Variants in PTPRZ1 observed in about 807,000 individuals in gnomAD.
PTPRZ1 encodes protein tyrosine phosphatase receptor type Z1, also known as receptor-type tyrosine-protein phosphatase zeta.
PTPRZ1 carries 82 observed loss-of-function variants against 214.1 expected under a neutral mutation model. The ratio of observed to expected loss-of-function variants is 0.38; its 90% confidence interval spans 0.32 to 0.46. PTPRZ1 has a LOEUF of 0.46. PTPRZ1 is among the 20% of genes least tolerant of loss of function. The probability of loss-of-function intolerance (pLI) is 1.00; values close to 1 mark genes in which losing one functional copy is unlikely to be tolerated. For synonymous variants in PTPRZ1, 945 were observed against 987.9 expected (o/e 0.96, Z 0.81); for missense variants, 2,603 against 2,748.7 (o/e 0.95, Z 1.19).
intron 2 of PTPRZ1, among the ~76,000 whole-genome samples, chr7:121,957,021 G>A (rs577410869): frequency 6.6e-6 from 1 of 152,160 alleles, no homozygotes; most frequent in Admixed American, 6.5e-5. Context: ...ATTTCAAACT[G>A]TACGGTCACC....
intron 2 of PTPRZ1, among the ~76,000 whole-genome samples, chr7:121,956,833 A>G (rs1175456046): frequency 6.6e-6 from 1 of 152,250 alleles, no homozygotes; most frequent in Non-Finnish European, 1.5e-5. Flanking sequence ...ACCAAGAGGA[A>G]GTCTCTCAAA....
intron 2 of PTPRZ1, among the ~76,000 whole-genome samples, chr7:121,949,706 T>C (rs1563032765): frequency 6.6e-6 from 1 of 152,184 alleles, no homozygotes; most frequent in Non-Finnish European, 1.5e-5. Flanking sequence ...TCAATGCCAG[T>C]ATTGATATAT....
chr7:121,908,978 G>T (rs1795195315), intron 1 of PTPRZ1: 1 of 515,488 alleles, frequency 1.9e-6, no homozygotes. Context: ...CTTTAGTATT[G>T]TCACATTTTG....
chr7:122,004,888 A>T (rs967525161), intron 11 of PTPRZ1, among the ~76,000 whole-genome samples: 1 of 152,026 alleles, frequency 6.6e-6, no homozygotes, highest in Non-Finnish European at 1.5e-5. Flanking sequence ...AAAAACAAGA[A>T]ATATAAATGG....
intron 1 of PTPRZ1, among the ~76,000 whole-genome samples, chr7:121,874,967 G>T (rs1794007351): frequency 6.6e-6 from 1 of 151,576 alleles, no homozygotes; most frequent in Admixed American, 6.6e-5. Flanking sequence ...TATCACAGTA[G>T]CAAGGAAATA....
At chr7:121,977,825 G>A (rs1203297971) in intron 6 of PTPRZ1, among the ~76,000 whole-genome samples, 1 of 151,626 alleles carries the variant, frequency 6.6e-6, no homozygotes, top group Non-Finnish European at 1.5e-5. Context: ...TTCCCCACTT[G>A]AGTCACAAAG....
intron 2 of PTPRZ1, among the ~76,000 whole-genome samples, chr7:121,965,170 T>A (rs535473342): frequency 1.3e-5 from 2 of 152,316 alleles, no homozygotes; most frequent in South Asian, 4.1e-4. Flanking sequence ...ATCACACAGT[T>A]TCTGTGGGTC....
At chr7:121,912,998 C>T (rs1419495352) in intron 1 of PTPRZ1, among the ~76,000 whole-genome samples, 2 of 152,094 alleles carry the variant, frequency 1.3e-5, no homozygotes, top group Non-Finnish European at 2.9e-5. Flanking sequence ...ATTTACAGAG[C>T]ACGTTTGCCT....
In PTPRZ1 at chr7:121,996,546, A is replaced by T. The variant is rs1798143106; in HGVS notation, c.1093A>T (p.Thr365Ser). The change falls in exon 9 of 30, where the codon ACA becomes TCA. Residue 365 changes from threonine (T) to serine (S), a missense_variant. Around this residue, in one of 6 missense-constraint regions of PTPRZ1, gnomAD observed 244 missense variants for 333.2 expected, o/e 0.73. Transcript: ENST00000393386. ...GEDQTKHEFL[T>S]DGYQDLGAIL... Reference sequence around the variant, plus strand: ...GGACCAAACCAAGCATGAATTTTTGACAGATGGCTATCAAGACTTGGTAAC... The same window carrying T: ...GGACCAAACCAAGCATGAATTTTTGTCAGATGGCTATCAAGACTTGGTAAC... 1 of 1,598,896 alleles carries T rather than the reference A, an allele frequency of 6.3e-7. No homozygotes were observed. Among genetic ancestry groups the T allele is most frequent in the Admixed American group, 1.7e-5 (1 of 59,380 alleles).
chr7:121,965,981 A>T (rs1797036081), intron 2 of PTPRZ1, among the ~76,000 whole-genome samples: 1 of 152,162 alleles, frequency 6.6e-6, no homozygotes, highest in African/African-American at 2.4e-5. Flanking sequence ...GCAGAGTAGC[A>T]AGGTACAGGC....
intron 1 of PTPRZ1, among the ~76,000 whole-genome samples, chr7:121,903,966 T>TCTCACACACACACACACA (rs1554427276): frequency 8.1e-6 from 1 of 123,846 alleles, no homozygotes; most frequent in Non-Finnish European, 1.8e-5. Context: ...TCTTTAAATC[T>TCTCACACACACACACACA]CACACACACA....
intron 2 of PTPRZ1, among the ~76,000 whole-genome samples, chr7:121,934,704 C>T (rs1054318422): frequency 1.3e-5 from 2 of 152,010 alleles, no homozygotes; most frequent in South Asian, 2.1e-4. Flanking sequence ...TGGGCCCATC[C>T]GATAATCTCA....
At chr7:122,014,478 G>T (rs747066706) in intron 12 of PTPRZ1, among the ~76,000 whole-genome samples, 1 of 151,890 alleles carries the variant, frequency 6.6e-6, no homozygotes, top group East Asian at 1.9e-4. Context: ...TCGCTCTGTC[G>T]CCCAGGCTGG....
At chr7:121,884,719 T>G (rs1403242855) in intron 1 of PTPRZ1, among the ~76,000 whole-genome samples, 6 of 152,204 alleles carry the variant, frequency 3.9e-5, no homozygotes, top group African/African-American at 7.2e-5. Context: ...CTTTGAAGAG[T>G]TAATCTGGTT....
In PTPRZ1 at chr7:122,012,588, T is replaced by G; in HGVS notation, c.3542T>G (p.Leu1181Trp). ...TCAGCTTCTTTTAGTACTGAAGTAT[T>G]GCTACAACCTTCCTTTCAGGCTTCT... is the stretch of plus-strand genomic sequence containing the variant. ...ETSASFSTEV[L>W]LQPSFQASDV... The change falls in exon 12 of 30, where the codon TTG (leucine) becomes TGG (tryptophan). Residue 1181 changes from leucine to tryptophan, a missense_variant. This residue lies in a region of PTPRZ1 where 1,913 missense variants were observed against 1,914.3 expected (regional missense o/e 1.00). Coordinates refer to ENST00000393386, the MANE Select transcript of PTPRZ1 (RefSeq NM_002851.3). 1 of 1,613,314 alleles carries G rather than the reference T, an allele frequency of 6.2e-7. No individual in the cohort carries two copies. Among genetic ancestry groups the G allele is most frequent in the Non-Finnish European group, 8.5e-7 (1 of 1,179,216 alleles).
chr7:122,035,178 AG>A (rs1195534630), intron 17 of PTPRZ1, among the ~76,000 whole-genome samples: 8 of 152,122 alleles, frequency 5.3e-5, no homozygotes, highest in African/African-American at 9.7e-5. Flanking sequence ...ATTACCAACG[AG>A]GTTATTTAAA....
At chr7:121,928,036 G>A (rs1795815039) in intron 1 of PTPRZ1, 120 bp from the exon 2 acceptor site, 1 of 725,038 alleles carries the variant, frequency 1.4e-6, no homozygotes, top group Non-Finnish European at 2.4e-6. Context: ...AGAACACATT[G>A]AGAAGATGAC....
chr7:122,026,748 T>C (rs1259688065), intron 13 of PTPRZ1, among the ~76,000 whole-genome samples: 1 of 152,214 alleles, frequency 6.6e-6, no homozygotes, highest in African/African-American at 2.4e-5. Context: ...ATCAAAGGCT[T>C]ATACTACCAC....
At chr7:121,999,974 A>G (rs905564319) in intron 10 of PTPRZ1, among the ~76,000 whole-genome samples, 2 of 152,120 alleles carry the variant, frequency 1.3e-5, no homozygotes, top group African/African-American at 2.4e-5. Flanking sequence ...GTTTGGATAC[A>G]CCATTAAATC....
Sources: gnomAD v4.1 joint callset for allele counts (sites outside exome capture counted in the v4.1 genomes callset) on GRCh38, gnomAD v4.1.1 for gene constraint, gnomAD v4.1.1 regional missense constraint, MANE v1.5 for transcripts, NCBI Gene and HGNC (gene_info 2026-07-23, HGNC 2026-07-21) for gene names.